Variants in SMIM7 observed in about 807,000 individuals in gnomAD.
The protein encoded by SMIM7 is small integral membrane protein 7.
A neutral mutation model predicts 13.3 loss-of-function variants in SMIM7; 12 were observed. The ratio of observed to expected loss-of-function variants is 0.90; its 90% CI spans 0.58 to 1.46. The LOEUF (loss-of-function observed/expected upper bound fraction) is 1.46, where lower values mean the gene tolerates loss of function less well. Ranked by LOEUF, SMIM7 falls within the 40% of genes most tolerant of loss-of-function variation. The pLI is 0.00. For synonymous variants in SMIM7, 36 were observed against 35.8 expected, an observed-to-expected ratio of 1.01 and a Z score of -0.02; for missense variants, 114 against 94.8, an observed-to-expected ratio of 1.20 and a Z score of -0.84.
At chr19:16,648,535 C>A (rs150823289) in intron 4 of SMIM7, among the ~76,000 whole-genome samples, 1 of 152,188 alleles carries the variant, frequency 6.6e-6, no homozygotes, top group Non-Finnish European at 1.5e-5. Flanking sequence ...AAAATACGCA[C>A]GTGATAATGG....
In SMIM7 at chr19:16,654,072, C is replaced by A. The variant is rs200102982; in HGVS notation, c.175G>T (p.Ala59Ser). ...AACATCATGAAGATGTTCCACAGGG[C>A]GATGAAGATTCGAAAGTATCTGAGG... Reference protein sequence around the residue: ...LSLRYFRIFIALWNIFMMFCM... With the variant: ...LSLRYFRIFISLWNIFMMFCM... Residue 59 changes from alanine to serine, a missense_variant, in exon 4 of 5, where the codon GCC (alanine) becomes TCC (serine). By Grantham distance (99) the Ala-to-Ser change is moderately conservative. Coordinates refer to ENST00000487416, the MANE Select transcript of SMIM7 (RefSeq NM_024104.4). 6.2e-7 allele frequency: 1 copy of A among 1,613,968 alleles called. No individual in the cohort carries two copies. The highest frequency in any genetic ancestry group is 1.1e-5 in the South Asian group (1 of 91,070).
At chr19:16,656,523 G>A (rs1367132425) in intron 3 of SMIM7, among the ~76,000 whole-genome samples, 1 of 152,174 alleles carries the variant, frequency 6.6e-6, no homozygotes, top group Admixed American at 6.6e-5. Flanking sequence ...GACTGCTCTG[G>A]TGGGAAAGTT....
chr19:16,641,390 C>T (rs2086402877), downstream of SMIM7: 1 of 151,706 alleles, frequency 6.6e-6, no homozygotes, highest in South Asian at 2.1e-4. Flanking sequence ...CCTCTGCTTC[C>T]CAGGTTCAAG....
At chr19:16,650,150 A>G (rs1389271015) in intron 4 of SMIM7, among the ~76,000 whole-genome samples, 1 of 152,032 alleles carries the variant, frequency 6.6e-6, no homozygotes, top group Non-Finnish European at 1.5e-5. Context: ...TTTTCTCCCT[A>G]ACTTTTCCTC....
chr19:16,658,022 A>C (rs2086618985), intron 3 of SMIM7, among the ~76,000 whole-genome samples: 1 of 152,154 alleles, frequency 6.6e-6, no homozygotes, highest in South Asian at 2.1e-4. Flanking sequence ...GCAACAGAGC[A>C]AGACCCTGTC....
chr19:16,644,319 G>A (rs2086429376), downstream of SMIM7, among the ~76,000 whole-genome samples: 1 of 150,770 alleles, frequency 6.6e-6, no homozygotes, highest in Non-Finnish European at 1.5e-5. Flanking sequence ...ACGGGGTTTT[G>A]TCATGTTGGC....
chr19:16,639,208 G>A (rs935008706), intron 4 of SMIM7, among the ~76,000 whole-genome samples: 5 of 144,750 alleles, frequency 3.5e-5, no homozygotes. Flanking sequence ...TGCAAGCTCC[G>A]CCCCCCCAGG....
At chr19:16,650,051 C>T (rs1435437792) in intron 4 of SMIM7, among the ~76,000 whole-genome samples, 5 of 152,126 alleles carry the variant, frequency 3.3e-5, no homozygotes, top group Admixed American at 2.6e-4. Context: ...ATAGAGATAG[C>T]GGCTGCATAA....
intron 4 of SMIM7, among the ~76,000 whole-genome samples, chr19:16,649,301 G>C (rs112514107): frequency 1.3e-5 from 2 of 152,028 alleles, no homozygotes; most frequent in Non-Finnish European, 2.9e-5. Flanking sequence ...GTTTCAGCCA[G>C]GCGCAGTGGT....
chr19:16,645,922 A>C (rs1388997949), downstream of SMIM7: 1 of 152,054 alleles, frequency 6.6e-6, no homozygotes, highest in Non-Finnish European at 1.5e-5. Flanking sequence ...TCGGCCTCCC[A>C]AAGTGCTGGG....
intron 3 of SMIM7, among the ~76,000 whole-genome samples, chr19:16,656,475 A>C (rs540046263): frequency 1.3e-5 from 2 of 152,294 alleles, no homozygotes; most frequent in South Asian, 4.1e-4. Flanking sequence ...CCCAACAAGC[A>C]TATGGGGAGG....
chr19:16,656,568 A>C (rs1156843021), intron 3 of SMIM7, among the ~76,000 whole-genome samples: 3 of 152,042 alleles, frequency 2.0e-5, no homozygotes, highest in African/African-American at 7.3e-5. Context: ...CAGAGACCCA[A>C]CATGGCATGT....
At chr19:16,659,593 T>C (rs560563862) in intron 2 of SMIM7, 146 bp from the exon 3 acceptor site, 1 of 781,008 alleles carries the variant, frequency 1.3e-6, no homozygotes, top group Admixed American at 2.3e-5. Flanking sequence ...TTCAATACCC[T>C]TCTCTGGGCC....
chr19:16,639,755 A>G (rs2086391915), intron 4 of SMIM7, among the ~76,000 whole-genome samples: 1 of 152,070 alleles, frequency 6.6e-6, no homozygotes, highest in Admixed American at 6.6e-5. Flanking sequence ...ACGAGATCTG[A>G]TGTTTTTATA....
exon 5 of SMIM7, chr19:16,630,753 T>G (rs79665439): frequency 6.6e-6 from 1 of 152,190 alleles, no homozygotes; most frequent in South Asian, 2.1e-4. Flanking sequence ...CACGGATATT[T>G]AGTTTTATTC....
At chr19:16,657,371 G>A (rs186342591) in intron 3 of SMIM7, among the ~76,000 whole-genome samples, 4 of 151,810 alleles carry the variant, frequency 2.6e-5, no homozygotes, top group African/African-American at 7.2e-5. Flanking sequence ...GCTCTGATTC[G>A]GATCTGTACA....
At chr19:16,659,030 A>T (rs2086632610) in intron 3 of SMIM7, 1 of 311,130 alleles carries the variant, frequency 3.2e-6, no homozygotes, top group Non-Finnish European at 6.2e-6. Flanking sequence ...CACGCCTGTA[A>T]TCCCAGCTCT....
intron 4 of SMIM7, among the ~76,000 whole-genome samples, chr19:16,651,363 G>A (rs995817299): frequency 2.6e-5 from 4 of 152,224 alleles, no homozygotes; most frequent in African/African-American, 9.6e-5. Context: ...AAAACAGGCA[G>A]TGGGGAGATT....
Position 16,647,060 on chromosome 19 carries a change from T to G in SMIM7, c.*186A>C. On this transcript the variant is annotated 3_prime_UTR_variant, in exon 5 of 5. Transcript: ENST00000487416. ...TTCAGAGACCAAAGTGAAACTATCT[T>G]TGAAAACAGGGACGTGGCTGGGAAA... 1.4e-6 allele frequency: 1 copy of G among 698,870 alleles called. No individual in the cohort carries two copies. The highest frequency in any genetic ancestry group is 2.5e-6 in the Non-Finnish European group (1 of 407,994). The allele number at this position is 698,870 out of a possible 1,614,324, so 43.3% of individuals were successfully genotyped here.
Sources: gnomAD v4.1 joint callset for allele counts (sites outside exome capture counted in the v4.1 genomes callset) on GRCh38, gnomAD v4.1.1 for gene constraint, MANE v1.5 for transcripts, NCBI Gene and HGNC (gene_info 2026-07-23, HGNC 2026-07-21) for gene names.